The following GRK3 variants were observed in gnomAD, a reference collection of about 807,000 sequenced individuals.
GRK3 encodes G protein-coupled receptor kinase 3.
In GRK3, 54 loss-of-function variants were observed where a neutral mutation model predicts 95.7. The observed-to-expected ratio is 0.56, with a 90% CI of 0.45 to 0.71. The LOEUF is 0.71. Ranked by LOEUF, GRK3 falls within the 30% of genes least tolerant of loss-of-function variation. The pLI is 0.00. For synonymous variants in GRK3, 281 were observed against 290.8 expected (o/e 0.97, Z 0.34); for missense variants, 649 against 851.2 (o/e 0.76, Z 2.96).
chr22:25,683,220 A>G (rs561308917), intron 9 of GRK3, among the ~76,000 whole-genome samples: 64 of 152,394 alleles, frequency 4.2e-4, no homozygotes, highest in African/African-American at 1.4e-3. Context: ...TTGCTGATCC[A>G]TGATCTATAT....
intron 2 of GRK3, among the ~76,000 whole-genome samples, chr22:25,626,000 G>A (rs989541955): frequency 6.6e-6 from 1 of 152,152 alleles, no homozygotes; most frequent in Non-Finnish European, 1.5e-5. Flanking sequence ...ACCGGTCTCC[G>A]TGCATTGGTG....
chr22:25,609,360 C>A (rs369752641), intron 2 of GRK3, among the ~76,000 whole-genome samples: 2 of 149,260 alleles, frequency 1.3e-5, no homozygotes, highest in African/African-American at 4.9e-5. Flanking sequence ...TTAAGACAGT[C>A]TTGCCCTGTT....
At chr22:25,583,986 G>A (rs1932195539) in intron 1 of GRK3, among the ~76,000 whole-genome samples, 2 of 152,212 alleles carry the variant, frequency 1.3e-5, no homozygotes, top group Admixed American at 6.5e-5. Flanking sequence ...GGCAGCTTAT[G>A]TGAGAAAAAT....
intron 3 of GRK3, among the ~76,000 whole-genome samples, chr22:25,659,586 G>C (rs2084896623): frequency 6.6e-6 from 1 of 152,186 alleles, no homozygotes; most frequent in Non-Finnish European, 1.5e-5. Context: ...CCCTGCCCAG[G>C]TTACCTGGAC....
chr22:25,644,802 A>G (rs1420282962), intron 3 of GRK3, 137 bp downstream of exon 3: 2 of 491,578 alleles, frequency 4.1e-6, no homozygotes, highest in Non-Finnish European at 7.0e-6. Flanking sequence ...AAAATATAGT[A>G]TCAAGTTTGA....
intron 1 of GRK3, among the ~76,000 whole-genome samples, chr22:25,574,194 A>C (rs1356637576): frequency 6.6e-6 from 1 of 152,138 alleles, no homozygotes. Context: ...CTTTGATAAA[A>C]GTTTAAATTA....
intron 2 of GRK3, among the ~76,000 whole-genome samples, 154 bp from the exon 3 acceptor site, chr22:25,644,438 T>C (rs1009757099): frequency 2.0e-5 from 3 of 152,078 alleles, no homozygotes; most frequent in African/African-American, 7.2e-5. Flanking sequence ...CTTCTAGGAA[T>C]TAATTAATTC....
At chr22:25,651,667 G>T (rs1358216130) in intron 3 of GRK3, among the ~76,000 whole-genome samples, 4 of 152,166 alleles carry the variant, frequency 2.6e-5, no homozygotes, top group Non-Finnish European at 5.9e-5. Flanking sequence ...TACTAAATCT[G>T]ATCAGGAAAG....
Position 25,695,208 on chromosome 22 carries a change from T to A in GRK3, c.1154T>A (p.Leu385Gln), listed in dbSNP as rs771406578. The A allele has an allele frequency of 4.3e-6, 7 of 1,613,206 alleles. No individual in the cohort carries two copies. The Admixed American group carries it at 1.2e-4, about 27-fold the overall frequency. ...FSLGCMLFKLLRGHSPFRQHK... is the reference protein window; with the variant it reads ...FSLGCMLFKLQRGHSPFRQHK... ...CTGGGCTGCATGCTTTTCAAACTTC[T>A]GAGAGGGTGAGTTGAAATGCATCCT... Residue 385 changes from leucine (L) to glutamine (Q), a missense_variant, in exon 13 of 21, where the codon CTG becomes CAG. Leu to Gln is a moderately radical substitution (Grantham distance 113). Transcript: ENST00000324198.
Position 25,696,167 on chromosome 22 carries a change from G to A in GRK3, c.1160+953G>A, listed in dbSNP as rs112254260. On this transcript the variant is annotated intron_variant, in intron 13 of 20. Transcript: ENST00000324198. ...AGCTAATTTTTTAATGTTTTTAGAG[G>A]TGAGGTCTTGCCATGTTGCCCAGGC... Among the ~76,000 whole-genome samples, 736 of 151,998 alleles carry A rather than the reference G, an allele frequency of 4.8e-3. 7 individuals carry two copies. The highest frequency in any genetic ancestry group is 0.017 in the African/African-American group (712 of 41,456).
chr22:25,697,323 G>C (rs1312298984), intron 13 of GRK3, among the ~76,000 whole-genome samples: 1 of 152,228 alleles, frequency 6.6e-6, no homozygotes, highest in Non-Finnish European at 1.5e-5. Flanking sequence ...AGTGTGGTTT[G>C]TGGCTAATAA....
intron 19 of GRK3, 87 bp downstream of exon 19, chr22:25,718,468 C>A: frequency 1.4e-6 from 2 of 1,391,982 alleles, no homozygotes; most frequent in South Asian, 1.3e-5. Flanking sequence ...GTTTTATACA[C>A]TATCCTCCGA....
intron 15 of GRK3, among the ~76,000 whole-genome samples, chr22:25,704,458 G>A (rs1301995059): frequency 6.6e-6 from 1 of 152,206 alleles, no homozygotes; most frequent in East Asian, 1.9e-4. Flanking sequence ...CACCCAGGCT[G>A]TAGTGCAGTG....
intron 15 of GRK3, among the ~76,000 whole-genome samples, chr22:25,709,107 G>A (rs980810342): frequency 5.3e-5 from 8 of 151,216 alleles, no homozygotes; most frequent in Non-Finnish European, 1.2e-4. Flanking sequence ...GCGCAATCTC[G>A]GTTCACTGCA....
chr22:25,620,067 G>A (rs2084572473), intron 2 of GRK3, among the ~76,000 whole-genome samples: 1 of 139,670 alleles, frequency 7.2e-6, no homozygotes, highest in African/African-American at 2.6e-5. Flanking sequence ...TGGTTTTAAG[G>A]AGTGGAGAGT....
chr22:25,686,838 T>A (rs182694485), intron 10 of GRK3, among the ~76,000 whole-genome samples: 2 of 152,338 alleles, frequency 1.3e-5, no homozygotes, highest in Non-Finnish European at 2.9e-5. Flanking sequence ...TGTTGTTGTC[T>A]TTTGAGACGG....
intron 1 of GRK3, among the ~76,000 whole-genome samples, chr22:25,597,708 A>G (rs2084381464): frequency 6.6e-6 from 1 of 152,232 alleles, no homozygotes; most frequent in African/African-American, 2.4e-5. Flanking sequence ...AAGAAGCTAG[A>G]TAAAGAAAGG....
At chr22:25,590,943 C>T (rs191680458) in intron 1 of GRK3, among the ~76,000 whole-genome samples, 3 of 152,254 alleles carry the variant, frequency 2.0e-5, no homozygotes, top group East Asian at 1.9e-4. Flanking sequence ...AGATAATGAA[C>T]GTCTCAATTG....
intron 1 of GRK3, among the ~76,000 whole-genome samples, chr22:25,576,532 GC>G (rs1335682712): frequency 2.0e-5 from 3 of 152,190 alleles, no homozygotes; most frequent in Admixed American, 2.0e-4. Context: ...CAGAGAGCAA[GC>G]TTTTTTCTTT....
Sources: allele counts gnomAD v4.1 joint callset (sites outside exome capture counted in the v4.1 genomes callset), GRCh38; gene constraint gnomAD v4.1.1; transcripts MANE v1.5; gene names NCBI Gene and HGNC (gene_info 2026-07-23, HGNC 2026-07-21).